The following DCDC2B variants were observed in gnomAD, a reference collection of about 807,000 sequenced individuals.
DCDC2B encodes the protein doublecortin domain-containing protein 2B.
DCDC2B carries 41 observed loss-of-function variants against 38.9 expected under a neutral mutation model. That is an observed-to-expected ratio of 1.05 (90% CI 0.82 to 1.37). The LOEUF is 1.37. DCDC2B is among the 40% of genes most tolerant of loss of function. The pLI is 0.00. For missense variants in DCDC2B, 453 were observed against 427.2 expected, an observed-to-expected ratio of 1.06 and a Z score of -0.53; for synonymous variants, 181 against 171.9, an observed-to-expected ratio of 1.05 and a Z score of -0.41.
In DCDC2B at chr1:32,212,148, T is replaced by G; in HGVS notation, c.474T>G (p.Thr158=). The G allele has an allele frequency of 6.2e-7, 1 of 1,613,782 alleles. No individual in the cohort carries two copies. Among genetic ancestry groups the G allele is most frequent in the Non-Finnish European group, 8.5e-7 (1 of 1,179,800 alleles). The change falls in exon 4 of 9, where the codon ACT becomes ACG. Residue 158 remains threonine, a synonymous_variant. Coordinates refer to ENST00000409358, the MANE Select transcript of DCDC2B (RefSeq NM_001099434.2). Reference sequence around the variant, plus strand: ...AGGCTGCCAGCCAGGACTGGGAAACTGTGTTGAAGCTCCTGACTGAGAAGG... The same window carrying G: ...AGGCTGCCAGCCAGGACTGGGAAACGGTGTTGAAGCTCCTGACTGAGAAGG... ...LSQAASQDWE[T]VLKLLTEKVK...
rs1476734706 is a variant in DCDC2B, at chr1:32,212,748, T to C, written c.675-6T>C. ...CCACTACAAGCCTTTCCTTTTGTCA[T>C]TGTAGGCAACCTCCAGGCTCGAAGT... is the stretch of plus-strand genomic sequence containing the variant. On this transcript the variant is annotated splice_region_variant and splice_polypyrimidine_tract_variant and intron_variant, in intron 5 of 8. Transcript: ENST00000409358. 11 of 1,613,772 alleles carry C rather than the reference T, an allele frequency of 6.8e-6. No individual in the cohort carries two copies. The highest frequency in any genetic ancestry group is 2.2e-5 in the East Asian group (1 of 44,882).
Position 32,211,329 on chromosome 1 carries a change from T to C in DCDC2B, c.318+6T>C. 1.2e-6 allele frequency: 2 copies of C among 1,613,700 alleles called. No individual in the cohort carries two copies. The highest frequency in any genetic ancestry group is 1.7e-6 in the Non-Finnish European group (2 of 1,179,796). Reference sequence around the variant, plus strand: ...GGAAGAGCTGCAGACTACAAGTGAGTCCCGGGGAACCTGTGCCCCAGCCCC... The same window carrying C: ...GGAAGAGCTGCAGACTACAAGTGAGCCCCGGGGAACCTGTGCCCCAGCCCC... On this transcript the variant is annotated splice_donor_region_variant and intron_variant, in intron 2 of 8. Transcript: ENST00000409358.
At position 32,214,715 on chromosome 1, in the gene DCDC2B, G is replaced by A. The variant is rs1638244521; in HGVS notation, c.715-82G>A. On this transcript the variant is annotated intron_variant, in intron 6 of 8. Coordinates refer to ENST00000409358, the MANE Select transcript of DCDC2B (RefSeq NM_001099434.2). ...CTGCCATGTTCCTGCAGGCGTCAGGGGCTCTCTGAAGCCTGAACTGGGGAG... is the reference window on the plus strand; with the variant it reads ...CTGCCATGTTCCTGCAGGCGTCAGGAGCTCTCTGAAGCCTGAACTGGGGAG... 2.5e-6 allele frequency: 4 copies of A among 1,575,640 alleles called. No individual in the cohort carries two copies. In the South Asian group the frequency reaches 4.7e-5, roughly 18 times the overall value.
In DCDC2B at chr1:32,215,844, C is replaced by T; in HGVS notation, c.997C>T (p.Gln333Ter). The T allele has an allele frequency of 6.4e-7, 1 of 1,553,176 alleles. No individual in the cohort carries two copies. The highest frequency in any genetic ancestry group is 8.7e-7 in the Non-Finnish European group (1 of 1,147,886). Residue 333 changes from glutamine to a stop codon, truncating the protein, a stop_gained, in exon 9 of 9, where the codon CAG becomes TAG. Transcript: ENST00000409358. LOFTEE classifies it low-confidence loss of function (END_TRUNC). ...GGAAGAGGCCTTGTCCCTGGAAAAC[C>T]AGCCTGGGGCTGGGGCTGCTATCTC... The part of the protein sequence containing the change: ...IVEEALSLEN[Q>*]PGAGAAISAS...
At chr1:32,214,634 T>C in intron 6 of DCDC2B, 163 bp from the exon 7 acceptor site, 1 of 969,762 alleles carries the variant, frequency 1.0e-6, no homozygotes, top group Non-Finnish European at 1.5e-6. Context: ...GTCAGGCTGG[T>C]GGGAAGAGGC....
intron 4 of DCDC2B, 97 bp downstream of exon 4, chr1:32,212,298 G>A (rs1643620039): frequency 6.4e-7 from 1 of 1,566,812 alleles, no homozygotes; most frequent in Non-Finnish European, 8.7e-7. Context: ...AGGAAAGCAT[G>A]TTCCCCCACA....
In DCDC2B at chr1:32,212,248, C is replaced by T. The variant is rs76093769; in HGVS notation, c.527+47C>T. ...GCCCAAAAGTCCCCAAAGAGAGCCT[C>T]GCCACTGGCTTCAGCTGTGGCTGAG... On this transcript the variant is annotated intron_variant, in intron 4 of 8. Coordinates refer to ENST00000409358, the MANE Select transcript of DCDC2B (RefSeq NM_001099434.2). 3,439 of 1,599,112 alleles carry T rather than the reference C, an allele frequency of 2.2e-3. 49 individuals carry two copies. The East Asian group carries it at 0.039, about 18-fold the overall frequency.
chr1:32,210,412 C>T (rs35564360), intron 1 of DCDC2B, among the ~76,000 whole-genome samples: 10,217 of 150,076 alleles, frequency 0.068, 404 homozygotes, highest in East Asian at 0.12. Flanking sequence ...GCAGAAGAAT[C>T]GCTTGAACCC....
intron 2 of DCDC2B, 147 bp from the exon 3 acceptor site, chr1:32,211,614 T>C: frequency 1.3e-6 from 1 of 760,946 alleles, no homozygotes; most frequent in Middle Eastern, 3.7e-4. Flanking sequence ...TAAGCACCGT[T>C]TGGTGAAAGG....
In DCDC2B at chr1:32,215,054, A is replaced by G. The variant is rs74342695; in HGVS notation, c.850+122A>G. 23 of 267,384 alleles carry G rather than the reference A, an allele frequency of 8.6e-5. No homozygotes were observed. In the East Asian group the frequency reaches 1.3e-3, roughly 16 times the overall value. The allele number at this position is 267,384 out of a possible 1,614,324, so 16.6% of individuals were successfully genotyped here. A position where few individuals can be genotyped will look rare whatever the true frequency, so the allele number is the denominator to read the frequency against. On this transcript the variant is annotated intron_variant, in intron 7 of 8. Coordinates refer to ENST00000409358, the MANE Select transcript of DCDC2B (RefSeq NM_001099434.2). Reference sequence around the variant, plus strand: ...TGCTCAGACACAAAGCCGGCACTGGAAAAAAAAAAAAAAGATAAAGGAGTC... The same window carrying G: ...TGCTCAGACACAAAGCCGGCACTGGGAAAAAAAAAAAAAGATAAAGGAGTC...
rs1045365479 is a variant in DCDC2B, at chr1:32,211,264, C to T, written c.267-8C>T. The T allele has an allele frequency of 6.2e-7, 1 of 1,613,722 alleles. No individual in the cohort carries two copies. The highest frequency in any genetic ancestry group is 8.5e-7 in the Non-Finnish European group (1 of 1,179,742). On this transcript the variant is annotated splice_polypyrimidine_tract_variant and splice_region_variant and intron_variant, in intron 1 of 8. Coordinates refer to ENST00000409358, the MANE Select transcript of DCDC2B (RefSeq NM_001099434.2). ...ACAAGATGACCTGTGATCTATCTGTCCTTTCAGCTATTTACCCCATAGAGG... is the reference window on the plus strand; with the variant it reads ...ACAAGATGACCTGTGATCTATCTGTTCTTTCAGCTATTTACCCCATAGAGG...
Position 32,216,017 on chromosome 1 carries a change from G to T in DCDC2B, c.*120G>T, listed in dbSNP as rs367644265. ...CGCTGGGCTCACAGGGTACACTGCG[G>T]CCTCCTCAGCCCTCCCCGTTCTCCT... is the stretch of plus-strand genomic sequence containing the variant. On this transcript the variant is annotated 3_prime_UTR_variant, in exon 9 of 9. Coordinates refer to ENST00000409358, the MANE Select transcript of DCDC2B (RefSeq NM_001099434.2). 10 of 861,218 alleles carry T rather than the reference G, an allele frequency of 1.2e-5. No homozygotes were observed. In the African/African-American group the frequency reaches 1.5e-4, roughly 13 times the overall value. The allele number at this position is 861,218 out of a possible 1,614,324, so 53.3% of individuals were successfully genotyped here.
chr1:32,211,380 TGCCCCCAATTTGGTCTGGGAAG>T (rs1448284937), intron 2 of DCDC2B, 57 bp downstream of exon 2: 4 of 1,592,286 alleles, frequency 2.5e-6, no homozygotes, highest in Non-Finnish European at 2.6e-6. Flanking sequence ...CTCCTGGAAC[TGCCCCCAATTTGGTCTGGGAAG>T]CCAGGGAAGC....
rs762814113 is a variant in DCDC2B, at chr1:32,211,808, G to A, written c.366G>A (p.Gln122=). The part of the protein sequence containing the change: ...RHLCDGAIGR[Q]LPAGAPSYIH... ...TGTGTGATGGGGCCATTGGACGGCA[G>A]CTGCCTGCAGGTGCTCCCAGCTATA... Residue 122 remains glutamine, a synonymous_variant, in exon 3 of 9, where the codon CAG becomes CAA. Transcript: ENST00000409358. 1 of 1,610,692 alleles carries A rather than the reference G, an allele frequency of 6.2e-7. No individual in the cohort carries two copies.
chr1:32,209,491 C>A, intron 1 of DCDC2B, 132 bp downstream of exon 1: 1 of 1,334,148 alleles, frequency 7.5e-7, no homozygotes, highest in Non-Finnish European at 1.0e-6. Context: ...GGTGGTTTTG[C>A]CTCCATTAGA....
chr1:32,215,035 G>C, intron 7 of DCDC2B, 103 bp downstream of exon 7: 3 of 1,389,810 alleles, frequency 2.2e-6, no homozygotes, highest in East Asian at 5.1e-5. Flanking sequence ...AGAATGCTCA[G>C]ACACAAAGCC....
At chr1:32,210,796 C>T (rs1375422816) in intron 1 of DCDC2B, among the ~76,000 whole-genome samples, 1 of 152,048 alleles carries the variant, frequency 6.6e-6, no homozygotes, top group Non-Finnish European at 1.5e-5. Flanking sequence ...CTCACTGCAG[C>T]CTCGAACTCC....
intron 7 of DCDC2B, 71 bp from the exon 8 acceptor site, chr1:32,215,369 T>A: frequency 7.7e-7 from 1 of 1,297,524 alleles, no homozygotes; most frequent in Non-Finnish European, 1.1e-6. Flanking sequence ...GGGGCTAGCA[T>A]GAAGGTCCAG....
In DCDC2B at chr1:32,211,959, T is replaced by G. The variant is rs1643603483; in HGVS notation, c.396-111T>G. On this transcript the variant is annotated intron_variant, in intron 3 of 8. Transcript: ENST00000409358. ...TGGGAATGTAGAAGTCCAGCATGCTTGATGGGTGAAGAGAGACCAGTGTTA... is the reference window on the plus strand; with the variant it reads ...TGGGAATGTAGAAGTCCAGCATGCTGGATGGGTGAAGAGAGACCAGTGTTA... 6.5e-6 allele frequency: 10 copies of G among 1,538,724 alleles called. No individual in the cohort carries two copies. In the South Asian group the frequency reaches 1.1e-4, roughly 17 times the overall value.
Sources: allele counts gnomAD v4.1 joint callset (sites outside exome capture counted in the v4.1 genomes callset), GRCh38; gene constraint gnomAD v4.1.1; transcripts MANE v1.5; gene names NCBI Gene and HGNC (gene_info 2026-07-23, HGNC 2026-07-21).